The following XYLT1 variants were observed in gnomAD, a reference collection of about 807,000 sequenced individuals.
XYLT1 encodes the protein xylosyltransferase 1.
A neutral mutation model predicts 91.3 loss-of-function variants in XYLT1; 36 were observed. That is an observed-to-expected ratio of 0.39 (90% CI 0.30 to 0.52). XYLT1 has a LOEUF of 0.52. Among genes scored for constraint, XYLT1 ranks in the 20% least tolerant of loss-of-function variants. XYLT1 has a pLI of 0.68. For missense variants in XYLT1, 1,242 were observed against 1,284.5 expected, an observed-to-expected ratio of 0.97 and a Z score of 0.51; for synonymous variants, 588 against 532.0, an observed-to-expected ratio of 1.11 and a Z score of -1.45.
chr16:17,352,008 G>A (rs898427694), intron 2 of XYLT1, among the ~76,000 whole-genome samples: 1 of 152,122 alleles, frequency 6.6e-6, no homozygotes, highest in Non-Finnish European at 1.5e-5. Context: ...GCATACACCT[G>A]TAGTCCCAAC....
intron 1 of XYLT1, among the ~76,000 whole-genome samples, chr16:17,406,545 A>C (rs1290498194): frequency 6.6e-6 from 1 of 152,234 alleles, no homozygotes; most frequent in East Asian, 1.9e-4. Flanking sequence ...AAATTGGGAA[A>C]GAGAGCGGAG....
chr16:17,128,310 G>A (rs1292104190), intron 9 of XYLT1, among the ~76,000 whole-genome samples: 1 of 152,192 alleles, frequency 6.6e-6, no homozygotes, highest in Non-Finnish European at 1.5e-5. Flanking sequence ...TGTCTTCATT[G>A]TATAGTATTT....
At chr16:17,364,429 T>C (rs565627132) in intron 1 of XYLT1, among the ~76,000 whole-genome samples, 39 of 152,268 alleles carry the variant, frequency 2.6e-4, no homozygotes, top group South Asian at 6.2e-4. Context: ...TCGTGAACAT[T>C]AAATAAAAAT....
chr16:17,143,494 AT>A (rs1345671868), intron 6 of XYLT1, among the ~76,000 whole-genome samples: 1 of 152,106 alleles, frequency 6.6e-6, no homozygotes, highest in East Asian at 1.9e-4. Flanking sequence ...AGGACTCTGG[AT>A]TTTTCAAGCC....
In XYLT1 at chr16:17,267,900, A is replaced by C. The variant is rs922236814; in HGVS notation, c.403-8402T>G. On this transcript the variant is annotated intron_variant, in intron 2 of 11. Coordinates refer to ENST00000261381, the MANE Select transcript of XYLT1 (RefSeq NM_022166.4). ...TGTTATGAGAATTAAGAGTCAATGA[A>C]TTTAAAACACTTAATACCTAGAACT... Among the ~76,000 whole-genome samples, 47 of 105,510 alleles carry C rather than the reference A, an allele frequency of 4.5e-4. 1 individual carries two copies. The highest frequency in any genetic ancestry group is 4.9e-4 in the Non-Finnish European group (25 of 51,050). 69.2% of individuals were successfully genotyped at this position (105,510 alleles called of 152,430 possible). A position where few individuals can be genotyped will look rare whatever the true frequency, so the allele number is the denominator to read the frequency against.
intron 8 of XYLT1, among the ~76,000 whole-genome samples, chr16:17,137,209 G>GA (rs879922518): frequency 6.6e-6 from 1 of 151,910 alleles, no homozygotes; most frequent in Non-Finnish European, 1.5e-5. Context: ...GGGACTGCTG[G>GA]AAAAAAACCC....
chr16:17,297,011 G>A (rs2034322236), intron 2 of XYLT1, among the ~76,000 whole-genome samples: 2 of 152,212 alleles, frequency 1.3e-5, no homozygotes, highest in Admixed American at 1.3e-4. Flanking sequence ...GGAAGCAGAA[G>A]TACTATTTAG....
At chr16:17,247,156 T>TTCATTCATTC (rs2033448686) in intron 3 of XYLT1, among the ~76,000 whole-genome samples, 3 of 125,582 alleles carry the variant, frequency 2.4e-5, no homozygotes, top group African/African-American at 9.0e-5. Context: ...TTCATTCATT[T>TTCATTCATTC]ATTCATTCAC....
At chr16:17,308,580 C>T (rs1596475055) in intron 2 of XYLT1, among the ~76,000 whole-genome samples, 1 of 152,178 alleles carries the variant, frequency 6.6e-6, no homozygotes, top group Non-Finnish European at 1.5e-5. Flanking sequence ...TATTTGCACC[C>T]TTGCAAGCTG....
intron 11 of XYLT1, among the ~76,000 whole-genome samples, chr16:17,115,286 A>C (rs1053387087): frequency 3.4e-5 from 5 of 146,808 alleles, no homozygotes; most frequent in South Asian, 2.3e-4. Context: ...CCAGGACAAC[A>C]CAGACCACAC....
At chr16:17,245,030 C>T (rs1160607847) in intron 3 of XYLT1, among the ~76,000 whole-genome samples, 1 of 151,090 alleles carries the variant, frequency 6.6e-6, no homozygotes, top group Admixed American at 6.6e-5. Flanking sequence ...CACAAAACCA[C>T]ACTCTTTTTT....
At chr16:17,285,364 T>C (rs1283794927) in intron 2 of XYLT1, among the ~76,000 whole-genome samples, 6 of 152,196 alleles carry the variant, frequency 3.9e-5, no homozygotes, top group Non-Finnish European at 8.8e-5. Context: ...CCGGAAGCCC[T>C]GGGAACTTGC....
At chr16:17,432,881 GA>G (rs1181697779) in intron 1 of XYLT1, among the ~76,000 whole-genome samples, 6 of 150,224 alleles carry the variant, frequency 4.0e-5, no homozygotes, top group Non-Finnish European at 5.9e-5. Flanking sequence ...GTCAAAAGAG[GA>G]AAAAAAAACA....
At chr16:17,388,017 A>C (rs531928041) in intron 1 of XYLT1, among the ~76,000 whole-genome samples, 1 of 152,330 alleles carries the variant, frequency 6.6e-6, no homozygotes, top group South Asian at 2.1e-4. Context: ...AACCCACCGT[A>C]AGCTGAAAAT....
At position 17,406,602 on chromosome 16, in the gene XYLT1, T is replaced by C. The variant is rs896936042; in HGVS notation, c.364-48552A>G. ...AAGGCTGCAGGGAGCTGATGAGTCATTTGATCATCTGGAAAGCAGATGGGA... is the reference window on the plus strand; with the variant it reads ...AAGGCTGCAGGGAGCTGATGAGTCACTTGATCATCTGGAAAGCAGATGGGA... On this transcript the variant is annotated intron_variant, in intron 1 of 11. Coordinates refer to ENST00000261381, the MANE Select transcript of XYLT1 (RefSeq NM_022166.4). Among the ~76,000 whole-genome samples the C allele has an allele frequency of 3.9e-5, 6 of 152,272 alleles. No homozygotes were observed. In the South Asian group the frequency reaches 1.2e-3, roughly 32 times the overall value.
chr16:17,323,059 T>C (rs76179402), intron 2 of XYLT1, among the ~76,000 whole-genome samples: 5,742 of 152,316 alleles, frequency 0.038, 139 homozygotes, highest in Non-Finnish European at 0.055. Context: ...AATACCTCCA[T>C]GGCAGGTCAG....
intron 1 of XYLT1, among the ~76,000 whole-genome samples, chr16:17,381,616 G>A (rs112442400): frequency 0.044 from 6,667 of 151,882 alleles, 217 homozygotes; most frequent in Middle Eastern, 0.089. Flanking sequence ...TAATAGAGAC[G>A]GGGTTTCACT....
At chr16:17,258,959 C>A in intron 3 of XYLT1, 29 bp downstream of exon 3, 1 of 1,485,302 alleles carries the variant, frequency 6.7e-7, no homozygotes, top group Non-Finnish European at 9.0e-7. Flanking sequence ...CAGGAGATCC[C>A]TCTCTGAGCC....
chr16:17,301,363 T>C lies in XYLT1; in HGVS notation c.403-41865A>G, dbSNP rs538158745. Among the ~76,000 whole-genome samples the C allele has an allele frequency of 5.3e-5, 8 of 152,180 alleles. No homozygotes were observed. The East Asian group carries it at 5.8e-4, about 11-fold the overall frequency. On this transcript the variant is annotated intron_variant, in intron 2 of 11. Coordinates refer to ENST00000261381, the MANE Select transcript of XYLT1 (RefSeq NM_022166.4). ...AGGCAGTGGTTGCACTGAGCCAAGA[T>C]TGCACCACTGTACTCCAGCCTGGGC...
Sources: gnomAD v4.1 joint callset for allele counts (sites outside exome capture counted in the v4.1 genomes callset) on GRCh38, gnomAD v4.1.1 for gene constraint, MANE v1.5 for transcripts, NCBI Gene and HGNC (gene_info 2026-07-23, HGNC 2026-07-21) for gene names.